The following SHPRH variants were observed in gnomAD, a reference collection of about 807,000 sequenced individuals.
SHPRH encodes SNF2 histone linker PHD RING helicase, also known as E3 ubiquitin-protein ligase SHPRH.
A neutral mutation model predicts 202.5 loss-of-function variants in SHPRH; 106 were observed. That is an observed-to-expected ratio of 0.52 (90% CI 0.45 to 0.62). The LOEUF (loss-of-function observed/expected upper bound fraction) is 0.62, where lower values mean the gene tolerates loss of function less well. Among genes scored for constraint, SHPRH ranks in the 20% least tolerant of loss-of-function variants. The pLI, the probability that SHPRH is intolerant of heterozygous loss-of-function variation, is 0.00. For synonymous variants in SHPRH, 729 were observed against 686.0 expected (o/e 1.06, Z -0.98); for missense variants, 1,710 against 2,020.0 (o/e 0.85, Z 2.94).
At position 145,923,720 on chromosome 6, in the gene SHPRH, C is replaced by T; in HGVS notation, c.3468G>A (p.Glu1156=). The change falls in exon 18 of 30, where the codon GAG becomes GAA. Residue 1156 remains glutamate, a synonymous_variant. Coordinates refer to ENST00000275233, the MANE Select transcript of SHPRH (RefSeq NM_001042683.3). ...CATTTCGCACTCGCTGAACTAGCTC[C>T]TCATCAATAGTAAATTCTATTGCTC... The part of the protein sequence containing the change: ...IHRAIEFTID[E]ELVQRVRNEI... 1.9e-6 allele frequency: 3 copies of T among 1,612,036 alleles called. No individual in the cohort carries two copies. Among genetic ancestry groups the T allele is most frequent in the Non-Finnish European group, 1.7e-6 (2 of 1,178,746 alleles).
intron 11 of SHPRH, among the ~76,000 whole-genome samples, chr6:145,939,651 G>A (rs1175511553): frequency 6.6e-6 from 1 of 152,080 alleles, no homozygotes; most frequent in African/African-American, 2.4e-5. Flanking sequence ...TTACAATTTC[G>A]ACAGTTTCCA....
chr6:145,941,513 A>G (rs1786772769), intron 10 of SHPRH, 110 bp downstream of exon 10: 3 of 1,487,648 alleles, frequency 2.0e-6, no homozygotes, highest in Admixed American at 2.2e-5. Flanking sequence ...CTTTTGACCA[A>G]TATCAGTACT....
chr6:145,905,707 A>T (rs1782900126), intron 25 of SHPRH: 1 of 151,980 alleles, frequency 6.6e-6, no homozygotes. Context: ...TTTTCCAAGT[A>T]TTTTTGATCT....
In SHPRH at chr6:145,935,465, T is replaced by C. The variant is rs749233638; in HGVS notation, c.2570-24A>G. On this transcript the variant is annotated intron_variant, in intron 11 of 29. Transcript: ENST00000275233. Reference sequence around the variant, plus strand: ...ATCTGAAAAGAAAAAATAAAATACATTGAGGATAACTCTATTACTTCATTA... The same window carrying C: ...ATCTGAAAAGAAAAAATAAAATACACTGAGGATAACTCTATTACTTCATTA... The C allele has an allele frequency of 4.3e-6, 7 of 1,610,670 alleles. 1 individual carries two copies. Among genetic ancestry groups the C allele is most frequent in the South Asian group, 3.3e-5 (3 of 90,776 alleles).
chr6:145,864,999 C>G (rs1562266894), intron 2 of SHPRH, among the ~76,000 whole-genome samples: 1 of 151,542 alleles, frequency 6.6e-6, no homozygotes, highest in Non-Finnish European at 1.5e-5. Flanking sequence ...TGGTGCCTTT[C>G]TATTTATTTC....
intron 1 of SHPRH, among the ~76,000 whole-genome samples, chr6:145,956,793 C>T (rs982729359): frequency 4.6e-5 from 7 of 152,002 alleles, no homozygotes; most frequent in African/African-American, 1.7e-4. Context: ...TGTTCATGGA[C>T]TAGAAGACTC....
At chr6:145,922,100 A>G (rs1446051912) in intron 20 of SHPRH, among the ~76,000 whole-genome samples, 186 bp downstream of exon 20, 2 of 152,014 alleles carry the variant, frequency 1.3e-5, no homozygotes, top group Non-Finnish European at 2.9e-5. Context: ...CATTTAGGGG[A>G]TAACTTCTGG....
chr6:145,926,562 A>G (rs1458126058), intron 15 of SHPRH, among the ~76,000 whole-genome samples: 1 of 151,866 alleles, frequency 6.6e-6, no homozygotes, highest in East Asian at 1.9e-4. Context: ...ACTTTTCCAT[A>G]TGTTCCTCTA....
At chr6:145,898,952 C>T (rs770221080) in intron 25 of SHPRH, among the ~76,000 whole-genome samples, 1 of 152,062 alleles carries the variant, frequency 6.6e-6, no homozygotes, top group South Asian at 2.1e-4. Context: ...GCTGGGACTA[C>T]AGGTGTGCAC....
In SHPRH at chr6:145,927,065, G is replaced by A. The variant is rs1784946625; in HGVS notation, c.3201+124C>T. 5.0e-6 allele frequency: 4 copies of A among 803,988 alleles called. No individual in the cohort carries two copies. In the South Asian group the frequency reaches 6.6e-5, roughly 13 times the overall value. The allele number at this position is 803,988 out of a possible 1,614,324, so 49.8% of individuals were successfully genotyped here. On this transcript the variant is annotated intron_variant, in intron 15 of 29. Coordinates refer to ENST00000275233, the MANE Select transcript of SHPRH (RefSeq NM_001042683.3). The stretch of plus-strand genomic sequence containing the variant: ...ATCTAAAATGCTTATTGAGAAGACT[G>A]AATCCCAAGTTTCACCCAGTGATTA...
chr6:145,917,988 T>C lies in SHPRH; in HGVS notation c.4254+143A>G, dbSNP rs528318257. 454 of 512,666 alleles carry C rather than the reference T, an allele frequency of 8.9e-4. 3 individuals are homozygous for C. Among genetic ancestry groups the C allele is most frequent in the African/African-American group, 4.0e-3 (203 of 50,244 alleles). 31.8% of individuals were successfully genotyped at this position (512,666 alleles called of 1,614,324 possible). A position where few individuals can be genotyped will look rare whatever the true frequency, so the allele number is the denominator to read the frequency against. ...TATTCTTTTGTGATCTCTGAAGCTA[T>C]TGTAGAGACATAGGTAGTGTTCTGA... On this transcript the variant is annotated intron_variant, in intron 23 of 29. Transcript: ENST00000275233.
At chr6:145,936,970 T>G (rs1786147148) in intron 11 of SHPRH, among the ~76,000 whole-genome samples, 1 of 143,666 alleles carries the variant, frequency 7.0e-6, no homozygotes. Context: ...TTTGCACACA[T>G]GCTTCATCTT....
At chr6:145,953,835 T>C (rs1562372855) in intron 2 of SHPRH, among the ~76,000 whole-genome samples, 1 of 152,040 alleles carries the variant, frequency 6.6e-6, no homozygotes, top group Non-Finnish European at 1.5e-5. Flanking sequence ...ATAAAGTTAT[T>C]TGGCCAGTGA....
At chr6:145,862,461 C>CAACAAA (rs1554219723), downstream of SHPRH, among the ~76,000 whole-genome samples, 4 of 150,368 alleles carry the variant, frequency 2.7e-5, no homozygotes, top group African/African-American at 9.8e-5. Context: ...ACAACAACAA[C>CAACAAA]AAAAAACAAA....
rs570032437 is a variant in SHPRH, at chr6:145,951,307, A to C, written c.764-825T>G. Among the ~76,000 whole-genome samples, 5 of 152,230 alleles carry C rather than the reference A, an allele frequency of 3.3e-5. No individual in the cohort carries two copies. The South Asian group carries it at 1.0e-3, about 32-fold the overall frequency. ...ATCATTTATTTCTGAATTGCTTTGA[A>C]AGAGGCCTATATACTTTTATAGGAC... On this transcript the variant is annotated intron_variant, in intron 3 of 29. Coordinates refer to ENST00000275233, the MANE Select transcript of SHPRH (RefSeq NM_001042683.3).
intron 22 of SHPRH, 109 bp from the exon 23 acceptor site, chr6:145,918,341 C>A (rs1784130286): frequency 6.0e-6 from 4 of 668,636 alleles, no homozygotes; most frequent in Admixed American, 4.0e-5. Context: ...TTAAAAAAAA[C>A]CTATTTACAT....
In SHPRH at chr6:145,910,699, T is replaced by C. The variant is rs187341504; in HGVS notation, c.4327-63A>G. ...GATGCCTTACAATTTATAAGCATAT[T>C]AAAAAGAGATTCGCAATTTTTCCTC... On this transcript the variant is annotated intron_variant, in intron 24 of 29. Coordinates refer to ENST00000275233, the MANE Select transcript of SHPRH (RefSeq NM_001042683.3). The C allele has an allele frequency of 2.2e-4, 315 of 1,407,668 alleles. 1 individual carries two copies. The East Asian group carries it at 5.6e-3, about 25-fold the overall frequency. The allele number at this position is 1,407,668 out of a possible 1,614,324, so 87.2% of individuals were successfully genotyped here.
At chr6:145,921,536 G>T in intron 20 of SHPRH, 144 bp from the exon 21 acceptor site, 1 of 711,958 alleles carries the variant, frequency 1.4e-6, no homozygotes, top group Non-Finnish European at 2.1e-6. Context: ...CATAAATTTG[G>T]CCAGTTTTTT....
intron 1 of SHPRH, among the ~76,000 whole-genome samples, chr6:145,960,191 C>T (rs1336074362): frequency 7.4e-6 from 1 of 134,788 alleles, no homozygotes; most frequent in Non-Finnish European, 1.6e-5. Flanking sequence ...AGCAAAGTAA[C>T]TCAGGAATGT....
Sources: allele counts gnomAD v4.1 joint callset (sites outside exome capture counted in the v4.1 genomes callset), GRCh38; gene constraint gnomAD v4.1.1; transcripts MANE v1.5; gene names NCBI Gene and HGNC (gene_info 2026-07-23, HGNC 2026-07-21).